Variants in SESN3 observed in about 807,000 individuals in gnomAD.
SESN3 encodes the protein sestrin 3.
SESN3 carries 21 observed loss-of-function variants against 55.3 expected under a neutral mutation model. That is an observed-to-expected ratio of 0.38 (90% CI 0.27 to 0.55). The LOEUF is 0.55. Among genes scored for constraint, SESN3 ranks in the 20% least tolerant of loss-of-function variants. The probability of loss-of-function intolerance (pLI) is 0.76; values close to 1 mark genes in which losing one functional copy is unlikely to be tolerated. For missense variants in SESN3, 408 were observed against 604.3 expected (o/e 0.68, Z 3.41); for synonymous variants, 181 against 203.1 (o/e 0.89, Z 0.93).
chr11:95,168,340 G>C lies in SESN3; in HGVS notation c.*4915C>G, dbSNP rs566952078. The C allele has an allele frequency of 3.3e-5, 5 of 152,238 alleles. No individual in the cohort carries two copies. The highest frequency in any genetic ancestry group is 1.2e-4 in the African/African-American group (5 of 41,534). 9.4% of individuals were successfully genotyped at this position (152,238 alleles called of 1,614,324 possible). On this transcript the variant is annotated 3_prime_UTR_variant, in exon 10 of 10. Transcript: ENST00000536441. ...ACCTAATACAAATCCAAGTTAGGATGGCAATTCAATCACTTTAAAATCCTG... is the reference window on the plus strand; with the variant it reads ...ACCTAATACAAATCCAAGTTAGGATCGCAATTCAATCACTTTAAAATCCTG...
intron 1 of SESN3, among the ~76,000 whole-genome samples, chr11:95,199,374 G>C (rs992646340): frequency 6.6e-6 from 1 of 151,932 alleles, no homozygotes; most frequent in South Asian, 2.1e-4. Context: ...GCTGAAAAAA[G>C]TTACGCTTGA....
At chr11:95,209,535 A>C (rs1860610780) in intron 1 of SESN3, among the ~76,000 whole-genome samples, 1 of 151,406 alleles carries the variant, frequency 6.6e-6, no homozygotes, top group Non-Finnish European at 1.5e-5. Flanking sequence ...TTGACCCAGC[A>C]ATCCCATTAG....
intron 1 of SESN3, among the ~76,000 whole-genome samples, chr11:95,214,915 T>C (rs11825836): frequency 0.01 from 1,564 of 152,238 alleles, 33 homozygotes; most frequent in African/African-American, 0.036. Context: ...CAATTCCTTT[T>C]TCCCCAAGCT....
At chr11:95,205,110 G>C (rs1414879416) in intron 1 of SESN3, among the ~76,000 whole-genome samples, 1 of 152,080 alleles carries the variant, frequency 6.6e-6, no homozygotes, top group Non-Finnish European at 1.5e-5. Context: ...AACAATACCA[G>C]TAAAAAGAAA....
chr11:95,183,600 T>G (rs1410496844), intron 6 of SESN3, among the ~76,000 whole-genome samples: 4 of 150,952 alleles, frequency 2.6e-5, no homozygotes. Context: ...GAGAACCGCT[T>G]GAACCTAGGA....
At chr11:95,212,514 A>G (rs1405058971) in intron 1 of SESN3, among the ~76,000 whole-genome samples, 1 of 152,118 alleles carries the variant, frequency 6.6e-6, no homozygotes, top group Non-Finnish European at 1.5e-5. Flanking sequence ...ATTAACACAC[A>G]GTGCTCAGAT....
At chr11:95,194,419 T>C (rs184479234) in intron 1 of SESN3, among the ~76,000 whole-genome samples, 1 of 152,064 alleles carries the variant, frequency 6.6e-6, no homozygotes, top group Non-Finnish European at 1.5e-5. Flanking sequence ...AGTCAGGCAT[T>C]TAACACGATT....
chr11:95,198,002 T>C (rs1376261949), intron 1 of SESN3, among the ~76,000 whole-genome samples: 1 of 152,210 alleles, frequency 6.6e-6, no homozygotes, highest in Non-Finnish European at 1.5e-5. Context: ...CTCACTTTCC[T>C]CTGTAGGTTA....
At chr11:95,209,738 C>T (rs957811460) in intron 1 of SESN3, among the ~76,000 whole-genome samples, 1 of 150,920 alleles carries the variant, frequency 6.6e-6, no homozygotes, top group African/African-American at 2.4e-5. Flanking sequence ...GATGTTTGGC[C>T]AGGCGTGGTG....
rs1376724212 is a variant in SESN3, at chr11:95,168,086, G to T, written c.*5169C>A. ...TTTTATCTATATTTTAAATCATATGGGCTTCTGTGATCCCATAGGACCATC... is the reference window on the plus strand; with the variant it reads ...TTTTATCTATATTTTAAATCATATGTGCTTCTGTGATCCCATAGGACCATC... On this transcript the variant is annotated 3_prime_UTR_variant, in exon 10 of 10. Coordinates refer to ENST00000536441, the MANE Select transcript of SESN3 (RefSeq NM_144665.4). 1.3e-5 allele frequency: 2 copies of T among 151,946 alleles called. No homozygotes were observed. The highest frequency in any genetic ancestry group is 4.8e-5 in the African/African-American group (2 of 41,368). 9.4% of individuals were successfully genotyped at this position (151,946 alleles called of 1,614,324 possible).
chr11:95,166,985 G>A lies in SESN3; in HGVS notation c.*6270C>T, dbSNP rs1043750333. On this transcript the variant is annotated 3_prime_UTR_variant, in exon 10 of 10. Transcript: ENST00000536441. ...AGAGAACCAGCGAAATTCAGAAAGC[G>A]GAAGTCTCTCAACATTACAAAGGAA... 6 of 152,230 alleles carry A rather than the reference G, an allele frequency of 3.9e-5. No individual in the cohort carries two copies. The highest frequency in any genetic ancestry group is 1.9e-4 in the East Asian group (1 of 5,184). The allele number at this position is 152,230 out of a possible 1,614,324, so 9.4% of individuals were successfully genotyped here.
At chr11:95,180,912 C>A (rs1240943470) in intron 6 of SESN3, among the ~76,000 whole-genome samples, 2 of 152,044 alleles carry the variant, frequency 1.3e-5, no homozygotes, top group African/African-American at 4.8e-5. Flanking sequence ...CATTTACAAA[C>A]CAGCTTATAC....
At chr11:95,216,161 G>A (rs1482992450) in intron 1 of SESN3, among the ~76,000 whole-genome samples, 2 of 145,432 alleles carry the variant, frequency 1.4e-5, no homozygotes, top group African/African-American at 2.5e-5. Flanking sequence ...ATATACAATA[G>A]ACAGCACACT....
At chr11:95,207,074 C>A (rs189691704) in intron 1 of SESN3, among the ~76,000 whole-genome samples, 1 of 152,132 alleles carries the variant, frequency 6.6e-6, no homozygotes, top group African/African-American at 2.4e-5. Flanking sequence ...CCACCACGCG[C>A]GGCCAACATT....
chr11:95,190,706 C>T (rs1042557917), intron 3 of SESN3, among the ~76,000 whole-genome samples: 3 of 151,904 alleles, frequency 2.0e-5, no homozygotes, highest in African/African-American at 7.3e-5. Context: ...ATAAAAAAGA[C>T]AATCAAATCA....
At chr11:95,215,956 G>C (rs976932678) in intron 1 of SESN3, among the ~76,000 whole-genome samples, 14 of 151,902 alleles carry the variant, frequency 9.2e-5, no homozygotes, top group Non-Finnish European at 1.8e-4. Flanking sequence ...AAATTAGCCG[G>C]GCATGGTGGT....
At chr11:95,203,242 T>C (rs1231541352) in intron 1 of SESN3, among the ~76,000 whole-genome samples, 1 of 152,104 alleles carries the variant, frequency 6.6e-6, no homozygotes, top group Non-Finnish European at 1.5e-5. Flanking sequence ...AAAATACAAG[T>C]CACTTACTCA....
intron 8 of SESN3, among the ~76,000 whole-genome samples, chr11:95,176,945 A>C (rs551337251): frequency 3.3e-5 from 5 of 152,198 alleles, no homozygotes; most frequent in Admixed American, 6.5e-5. Context: ...GCGATTTATC[A>C]GTAAATTTTG....
rs931871594 is a variant in SESN3 at position 95,173,083 on chromosome 11, T to C, written c.*172A>G. ...TAGTAATGTTAAGCATCAAGGAAAATAAAACACATCATTGCACATTACAGC... is the reference window on the plus strand; with the variant it reads ...TAGTAATGTTAAGCATCAAGGAAAACAAAACACATCATTGCACATTACAGC... On this transcript the variant is annotated 3_prime_UTR_variant, in exon 10 of 10. Coordinates refer to ENST00000536441, the MANE Select transcript of SESN3 (RefSeq NM_144665.4). 4.4e-6 allele frequency: 2 copies of C among 451,778 alleles called. No individual in the cohort carries two copies. Among genetic ancestry groups the C allele is most frequent in the Non-Finnish European group, 8.0e-6 (2 of 250,614 alleles). The allele number at this position is 451,778 out of a possible 1,614,324, so 28.0% of individuals were successfully genotyped here.
Sources: allele counts gnomAD v4.1 joint callset (sites outside exome capture counted in the v4.1 genomes callset), GRCh38; gene constraint gnomAD v4.1.1; transcripts MANE v1.5; gene names NCBI Gene and HGNC (gene_info 2026-07-23, HGNC 2026-07-21).